The following NR1H4 variants were observed in gnomAD, a reference collection of about 807,000 sequenced individuals.
The protein encoded by NR1H4 is bile acid receptor.
Under a neutral mutation model 58.5 loss-of-function variants are expected in NR1H4, and 23 were observed. The ratio of observed to expected loss-of-function variants is 0.39; its 90% CI spans 0.28 to 0.56. The LOEUF is 0.56. NR1H4 is among the 20% of genes least tolerant of loss of function. The probability of loss-of-function intolerance (pLI) is 0.58; values close to 1 mark genes in which losing one functional copy is unlikely to be tolerated. For synonymous variants in NR1H4, 214 were observed against 198.0 expected (o/e 1.08, Z -0.68); for missense variants, 487 against 576.9 (o/e 0.84, Z 1.60).
In NR1H4 at chr12:100,536,497, T is replaced by G; in HGVS notation, c.733-15T>G. 2 of 1,503,164 alleles carry G rather than the reference T, an allele frequency of 1.3e-6. No individual in the cohort carries two copies. Among genetic ancestry groups the G allele is most frequent in the Non-Finnish European group, 1.9e-6 (2 of 1,079,106 alleles). The allele number at this position is 1,503,164 out of a possible 1,614,324, so 93.1% of individuals were successfully genotyped here. On this transcript the variant is annotated splice_polypyrimidine_tract_variant and intron_variant, in intron 6 of 10. Transcript: ENST00000392986. ...CACATCTTCCCTAACACCTTTTATT[T>G]TCTTGCCAGTGTAGGAGAAAACTGA... is the stretch of plus-strand genomic sequence containing the variant.
chr12:100,490,251 A>T (rs1368878766), intron 1 of NR1H4, among the ~76,000 whole-genome samples: 11 of 152,174 alleles, frequency 7.2e-5, no homozygotes, highest in Admixed American at 7.2e-4. Context: ...ATATCACAGG[A>T]ATCCAAAATG....
At chr12:100,536,721 C>A in intron 7 of NR1H4, 111 bp downstream of exon 7, 2 of 729,146 alleles carry the variant, frequency 2.7e-6, no homozygotes, top group Non-Finnish European at 4.7e-6. Flanking sequence ...ATGATTAGAG[C>A]TGAGAATTCA....
intron 9 of NR1H4, among the ~76,000 whole-genome samples, chr12:100,560,230 C>G (rs951759858): frequency 5.3e-5 from 8 of 152,164 alleles, no homozygotes; most frequent in Non-Finnish European, 1.0e-4. Flanking sequence ...CTCTACCAAT[C>G]AGCAGGATGT....
intron 3 of NR1H4, chr12:100,503,489 C>T (rs748525265): frequency 1.4e-5 from 23 of 1,594,608 alleles, no homozygotes; most frequent in Non-Finnish European, 1.6e-5. Flanking sequence ...GTATGAAGCC[C>T]GCGAAAGGTA....
chr12:100,505,882 C>T, intron 3 of NR1H4: 1 of 354,856 alleles, frequency 2.8e-6, no homozygotes, highest in Non-Finnish European at 5.2e-6. Context: ...TTGTCCTAAC[C>T]CTTGACATCC....
intron 4 of NR1H4, among the ~76,000 whole-genome samples, chr12:100,521,959 C>A (rs142223800): frequency 2.0e-5 from 3 of 152,072 alleles, no homozygotes; most frequent in Non-Finnish European, 4.4e-5. Flanking sequence ...TTATGAAAAT[C>A]GTGGGAAGAG....
chr12:100,536,758 A>C, intron 7 of NR1H4, 148 bp downstream of exon 7: 1 of 678,246 alleles, frequency 1.5e-6, no homozygotes, highest in Non-Finnish European at 2.6e-6. Context: ...TCTCAGCAAC[A>C]TTAAACAATT....
chr12:100,518,478 C>G (rs145565092), intron 4 of NR1H4, among the ~76,000 whole-genome samples: 1 of 152,114 alleles, frequency 6.6e-6, no homozygotes. Context: ...TGATTTGAGA[C>G]GTTGCCCCCA....
At chr12:100,539,211 T>G (rs1954881557) in intron 8 of NR1H4, among the ~76,000 whole-genome samples, 1 of 152,062 alleles carries the variant, frequency 6.6e-6, no homozygotes, top group Admixed American at 6.6e-5. Context: ...GGAAAAAATT[T>G]AAAATATGGA....
In NR1H4 at chr12:100,559,566, C is replaced by T. The variant is rs1224873960; in HGVS notation, c.1079-2319C>T. Among the ~76,000 whole-genome samples, 3 of 152,196 alleles carry T rather than the reference C, an allele frequency of 2.0e-5. No homozygotes were observed. The East Asian group carries it at 5.8e-4, about 29-fold the overall frequency. ...GGTGTACTGGGTCCCCCAGCAGTGC[C>T]AGCCCACCGGCGCTGCGCTGGATTT... On this transcript the variant is annotated intron_variant, in intron 9 of 10. Coordinates refer to ENST00000392986, the MANE Select transcript of NR1H4 (RefSeq NM_001206979.2).
At chr12:100,490,129 G>A (rs921474742) in intron 1 of NR1H4, among the ~76,000 whole-genome samples, 6 of 152,156 alleles carry the variant, frequency 3.9e-5, no homozygotes, top group Non-Finnish European at 7.4e-5. Flanking sequence ...AACTAAGCAA[G>A]AAAAACAATA....
At chr12:100,482,613 A>G (rs1466682579) in intron 1 of NR1H4, among the ~76,000 whole-genome samples, 6 of 152,196 alleles carry the variant, frequency 3.9e-5, no homozygotes, top group Admixed American at 6.5e-5. Context: ...CCACAAAAAC[A>G]AAGGTTGAAT....
intron 8 of NR1H4, among the ~76,000 whole-genome samples, chr12:100,538,759 A>C (rs1187979481): frequency 6.6e-6 from 1 of 152,184 alleles, no homozygotes; most frequent in Non-Finnish European, 1.5e-5. Context: ...GCATTATGCT[A>C]TTATTTTATT....
intron 3 of NR1H4, among the ~76,000 whole-genome samples, chr12:100,502,612 T>C (rs1360581937): frequency 6.6e-6 from 1 of 152,184 alleles, no homozygotes; most frequent in African/African-American, 2.4e-5. Flanking sequence ...GGTACTGGGG[T>C]TTAAGGCTTC....
intron 1 of NR1H4, among the ~76,000 whole-genome samples, chr12:100,475,650 T>C (rs923203720): frequency 6.6e-6 from 1 of 152,258 alleles, no homozygotes; most frequent in Non-Finnish European, 1.5e-5. Context: ...CTAACTTTTC[T>C]ACAATGTCTA....
rs767379406 is a variant in NR1H4 at position 100,511,046 on chromosome 12, G to A, written c.348G>A (p.Ala116=). The A allele has an allele frequency of 8.1e-6, 13 of 1,614,166 alleles. No homozygotes were observed. The South Asian group carries it at 8.8e-5, about 11-fold the overall frequency. ...MPVTKKPRMG[A]SAGRIKGDEL... The stretch of plus-strand genomic sequence containing the variant: ...TAACAAAGAAGCCCCGCATGGGCGC[G>A]TCAGCAGGGAGGATCAAAGGGGATG... The change falls in exon 4 of 11, where the codon GCG becomes GCA. Residue 116 remains alanine, a synonymous_variant. Transcript: ENST00000392986.
chr12:100,481,276 A>T lies in NR1H4; in HGVS notation c.-190+7217A>T, dbSNP rs1479162057. On this transcript the variant is annotated intron_variant, in intron 1 of 10. Transcript: ENST00000392986. ...ATCCAATTAAGTATTTGAAAAAAAA[A>T]ATGACAAGTTAGTCACGGAGAAAGC... Among the ~76,000 whole-genome samples the T allele has an allele frequency of 3.9e-5, 6 of 152,216 alleles. No individual in the cohort carries two copies. The East Asian group carries it at 1.2e-3, about 29-fold the overall frequency.
chr12:100,494,494 A>G (rs909626750), intron 3 of NR1H4, among the ~76,000 whole-genome samples: 10 of 152,356 alleles, frequency 6.6e-5, no homozygotes, highest in African/African-American at 2.4e-4. Flanking sequence ...AAAGAAAAAG[A>G]GGTTTATGGA....
intron 9 of NR1H4, among the ~76,000 whole-genome samples, chr12:100,548,587 G>A (rs1955134661): frequency 6.6e-6 from 1 of 152,092 alleles, no homozygotes; most frequent in South Asian, 2.1e-4. Flanking sequence ...GACTCTGCCT[G>A]TAGGGCAACT....
Sources: allele counts gnomAD v4.1 joint callset (sites outside exome capture counted in the v4.1 genomes callset), GRCh38; gene constraint gnomAD v4.1.1; transcripts MANE v1.5; gene names NCBI Gene and HGNC (gene_info 2026-07-23, HGNC 2026-07-21).